The following EYS variants were observed in gnomAD, a reference collection of about 807,000 sequenced individuals.
The protein encoded by EYS is protein eyes shut homolog.
A neutral mutation model predicts 282.1 loss-of-function variants in EYS; 250 were observed. The observed-to-expected ratio is 0.89, with a 90% CI of 0.80 to 0.98. The LOEUF (loss-of-function observed/expected upper bound fraction) is 0.98. Among genes scored for constraint, EYS ranks in the 50% least tolerant of loss-of-function variants. The probability of loss-of-function intolerance (pLI) is 0.00; values close to 1 mark genes in which losing one functional copy is unlikely to be tolerated. For synonymous variants in EYS, 1,355 were observed against 1,282.9 expected, an observed-to-expected ratio of 1.06 and a Z score of -1.20; for missense variants, 4,016 against 3,709.0, an observed-to-expected ratio of 1.08 and a Z score of -2.15.
Position 64,403,134 on chromosome 6 carries a change from G to A in EYS, c.5928-14294C>T, listed in dbSNP as rs180903397. The stretch of plus-strand genomic sequence containing the variant: ...TATCCAATTATCGTTATCATTATAA[G>A]CAATTAAGCCACATCTAGTAATATT... On this transcript the variant is annotated intron_variant, in intron 28 of 42. Coordinates refer to ENST00000503581, the MANE Select transcript of EYS (RefSeq NM_001142800.2). 3.4e-3 allele frequency among the ~76,000 whole-genome samples: 509 copies of A among 151,896 alleles called. 2 individuals are homozygous for A. Among genetic ancestry groups the A allele is most frequent in the Admixed American group, 4.7e-3 (71 of 15,268 alleles).
intron 2 of EYS, among the ~76,000 whole-genome samples, chr6:65,559,945 C>T (rs902971048): frequency 6.6e-6 from 1 of 151,064 alleles, no homozygotes; most frequent in Admixed American, 6.6e-5. Flanking sequence ...ACTTAAAATA[C>T]TTTCTAGTTT....
intron 13 of EYS, among the ~76,000 whole-genome samples, chr6:65,036,560 G>A (rs1055494792): frequency 1.3e-5 from 2 of 151,234 alleles, no homozygotes; most frequent in Non-Finnish European, 3.0e-5. Context: ...TGCAAACTAT[G>A]CATCTAACAA....
chr6:64,977,081 T>C (rs1388006160), intron 14 of EYS, among the ~76,000 whole-genome samples: 1 of 151,718 alleles, frequency 6.6e-6, no homozygotes, highest in Non-Finnish European at 1.5e-5. Context: ...TTAGTAAAGA[T>C]GGGATTTTGC....
At chr6:63,782,966 T>TA (rs1770272999) in intron 39 of EYS, among the ~76,000 whole-genome samples, 1 of 151,656 alleles carries the variant, frequency 6.6e-6, no homozygotes, top group Non-Finnish European at 1.5e-5. Flanking sequence ...TTTTTTTTTT[T>TA]ATCCTGGGTT....
chr6:65,525,785 C>T (rs193288034), intron 2 of EYS, among the ~76,000 whole-genome samples: 101 of 152,330 alleles, frequency 6.6e-4, no homozygotes, highest in Non-Finnish European at 1.1e-3. Flanking sequence ...CCTACTTTAT[C>T]TAACAGAGTA....
intron 28 of EYS, among the ~76,000 whole-genome samples, chr6:64,411,759 A>T (rs1773897995): frequency 6.6e-6 from 1 of 151,738 alleles, no homozygotes; most frequent in African/African-American, 2.4e-5. Flanking sequence ...GATTTAGGAG[A>T]CCTCCTTGAG....
At chr6:64,188,087 C>A (rs117075318) in intron 31 of EYS, among the ~76,000 whole-genome samples, 29 of 152,092 alleles carry the variant, frequency 1.9e-4, no homozygotes, top group Admixed American at 7.2e-4. Flanking sequence ...TTTAAGTAGT[C>A]CAAATTTGTT....
intron 2 of EYS, among the ~76,000 whole-genome samples, chr6:65,586,778 A>G (rs2127364768): frequency 6.6e-6 from 1 of 152,226 alleles, no homozygotes; most frequent in South Asian, 2.1e-4. Context: ...TAGTGTGTAC[A>G]TTCCCTGTCC....
intron 35 of EYS, among the ~76,000 whole-genome samples, chr6:63,880,195 G>A (rs1773089086): frequency 6.6e-6 from 1 of 152,100 alleles, no homozygotes; most frequent in African/African-American, 2.4e-5. Context: ...CAGTGGGCTG[G>A]GGGAGACAGA....
At chr6:64,507,608 G>A (rs544701998) in intron 26 of EYS, among the ~76,000 whole-genome samples, 2,969 of 152,096 alleles carry the variant, frequency 0.02, 47 homozygotes, top group African/African-American at 0.046. Flanking sequence ...ATACAACTTG[G>A]TTCCTAGATA....
At chr6:64,687,854 AT>A (rs943323365) in intron 22 of EYS, among the ~76,000 whole-genome samples, 2 of 151,712 alleles carry the variant, frequency 1.3e-5, no homozygotes, top group African/African-American at 2.4e-5. Context: ...TGGTCCTGGA[AT>A]TTTTTTTGGT....
intron 1 of EYS, among the ~76,000 whole-genome samples, chr6:65,678,070 G>C (rs935591873): frequency 2.0e-5 from 3 of 151,996 alleles, no homozygotes. Context: ...TTCTGGTGAG[G>C]GATTCAGGAA....
chr6:63,853,225 T>A (rs1489071372), intron 36 of EYS, among the ~76,000 whole-genome samples: 1 of 152,192 alleles, frequency 6.6e-6, no homozygotes, highest in East Asian at 1.9e-4. Flanking sequence ...ATTGTATATT[T>A]AGAAAACCCC....
At chr6:64,048,744 G>C (rs574395468) in intron 33 of EYS, among the ~76,000 whole-genome samples, 1 of 151,120 alleles carries the variant, frequency 6.6e-6, no homozygotes, top group Non-Finnish European at 1.5e-5. Context: ...TTGGAAATCT[G>C]GTTTCTGTTT....
At chr6:65,279,594 T>C (rs1404998568) in intron 12 of EYS, among the ~76,000 whole-genome samples, 3 of 152,144 alleles carry the variant, frequency 2.0e-5, no homozygotes, top group African/African-American at 7.2e-5. Context: ...AATAGTTGCA[T>C]GTCTGACAAG....
At chr6:65,102,829 A>G (rs985259411) in intron 12 of EYS, among the ~76,000 whole-genome samples, 1 of 151,342 alleles carries the variant, frequency 6.6e-6, no homozygotes, top group Non-Finnish European at 1.5e-5. Context: ...AACAAATGCT[A>G]TTAATTTCAT....
At chr6:63,816,749 TAAG>T (rs1252648006) in intron 36 of EYS, among the ~76,000 whole-genome samples, 4 of 152,170 alleles carry the variant, frequency 2.6e-5, no homozygotes, top group African/African-American at 9.7e-5. Context: ...TGTACGCAAA[TAAG>T]AAGGAAGTTC....
At chr6:65,129,113 T>A (rs114183999) in intron 12 of EYS, among the ~76,000 whole-genome samples, 36 of 152,174 alleles carry the variant, frequency 2.4e-4, no homozygotes, top group African/African-American at 8.2e-4. Context: ...GCTATCCATA[T>A]GCAGAAGAGT....
intron 36 of EYS, among the ~76,000 whole-genome samples, chr6:63,842,091 A>T (rs1008219026): frequency 1.3e-5 from 2 of 152,222 alleles, no homozygotes; most frequent in African/African-American, 4.8e-5. Context: ...GTGTCTTTAT[A>T]GTAGAATGAT....
Sources: allele counts gnomAD v4.1 joint callset (sites outside exome capture counted in the v4.1 genomes callset), GRCh38; gene constraint gnomAD v4.1.1; transcripts MANE v1.5; gene names NCBI Gene and HGNC (gene_info 2026-07-23, HGNC 2026-07-21).